COL5A2: variants seen among roughly 807,000 people sequenced by gnomAD.
COL5A2 encodes the protein collagen alpha-2(V) chain.
In COL5A2, 23 loss-of-function variants were observed where a neutral mutation model predicts 208.2. That is an observed-to-expected ratio of 0.11 (90% CI 0.08 to 0.16). COL5A2 has a LOEUF of 0.16. Among genes scored for constraint, COL5A2 ranks in the 10% least tolerant of loss-of-function variants. The pLI is 1.00. For missense variants in COL5A2, 1,590 were observed against 1,956.4 expected (o/e 0.81, Z 3.53); for synonymous variants, 625 against 628.5 (o/e 0.99, Z 0.08).
intron 10 of COL5A2, 68 bp downstream of exon 10, chr2:189,085,651 C>A: frequency 7.5e-7 from 1 of 1,338,622 alleles, no homozygotes; most frequent in Non-Finnish European, 1.1e-6. Flanking sequence ...ATAAATAACT[C>A]AATATTTGAC....
intron 1 of COL5A2, among the ~76,000 whole-genome samples, chr2:189,195,000 T>C (rs1442988438): frequency 6.6e-6 from 1 of 152,096 alleles, no homozygotes; most frequent in Admixed American, 6.6e-5. Flanking sequence ...AAGTAAAGGG[T>C]ATTCAAACAG....
the COL5A2 span, among the ~76,000 whole-genome samples, chr2:189,440,481 CA>C: frequency 6.6e-6 from 1 of 152,142 alleles, no homozygotes; most frequent in Admixed American, 6.5e-5. Context: ...TGTATTTAAA[CA>C]CATAAAAGGT....
intron 1 of COL5A2, among the ~76,000 whole-genome samples, chr2:189,117,954 A>G (rs2105729337): frequency 6.6e-6 from 1 of 152,208 alleles, no homozygotes; most frequent in Admixed American, 6.5e-5. Context: ...ATTGAATATT[A>G]GTTGTTTGCT....
intron 1 of COL5A2, among the ~76,000 whole-genome samples, chr2:189,217,543 T>C (rs1689294913): frequency 6.6e-6 from 1 of 152,090 alleles, no homozygotes. Context: ...ATTACACACA[T>C]ACATTATGGC....
chr2:189,345,667 A>AAT, the COL5A2 span, among the ~76,000 whole-genome samples: 1 of 152,192 alleles, frequency 6.6e-6, no homozygotes, highest in South Asian at 2.1e-4. Flanking sequence ...AAAATCATAA[A>AAT]AATATTTATT....
At chr2:189,189,124 C>A (rs951029401) in intron 1 of COL5A2, among the ~76,000 whole-genome samples, 2 of 152,064 alleles carry the variant, frequency 1.3e-5, no homozygotes, top group South Asian at 4.1e-4. Context: ...ATTTTTGTGT[C>A]CTGTATTTGA....
intron 1 of COL5A2, among the ~76,000 whole-genome samples, chr2:189,150,893 T>C (rs1688129058): frequency 6.6e-6 from 1 of 152,134 alleles, no homozygotes; most frequent in East Asian, 1.9e-4. Flanking sequence ...AGAGAATTCA[T>C]TACCTCAAAG....
chr2:189,263,924 T>C, the COL5A2 span, among the ~76,000 whole-genome samples: 37 of 152,268 alleles, frequency 2.4e-4, no homozygotes, highest in Non-Finnish European at 5.0e-4. Context: ...CACATAACTA[T>C]ACTTTCAAGT....
the COL5A2 span, among the ~76,000 whole-genome samples, chr2:189,317,279 G>A: frequency 7.2e-5 from 11 of 152,090 alleles, no homozygotes; most frequent in South Asian, 2.3e-3. Flanking sequence ...AGATTTTCAA[G>A]TAATTTGACT....
intron 1 of COL5A2, among the ~76,000 whole-genome samples, chr2:189,141,816 C>G (rs1321995418): frequency 6.6e-6 from 1 of 152,108 alleles, no homozygotes; most frequent in East Asian, 1.9e-4. Flanking sequence ...GAAGCCATCT[C>G]TTTTTCACTT....
chr2:189,227,849 G>A (rs1024046301), upstream of COL5A2, among the ~76,000 whole-genome samples: 1 of 151,898 alleles, frequency 6.6e-6, no homozygotes, highest in Non-Finnish European at 1.5e-5. Flanking sequence ...GAACACTATA[G>A]ACCTAAGAGA....
chr2:189,368,470 T>C, the COL5A2 span, among the ~76,000 whole-genome samples: 1 of 152,160 alleles, frequency 6.6e-6, no homozygotes, highest in Non-Finnish European at 1.5e-5. Flanking sequence ...CTAGAATTCA[T>C]CACAAATGAA....
chr2:189,110,952 T>C (rs1687248074), intron 1 of COL5A2, among the ~76,000 whole-genome samples: 1 of 152,166 alleles, frequency 6.6e-6, no homozygotes, highest in Non-Finnish European at 1.5e-5. Context: ...AAAAGGTGTA[T>C]GTTTTTATTA....
chr2:189,037,096 A>G (rs1325990528), intron 51 of COL5A2, among the ~76,000 whole-genome samples: 2 of 152,162 alleles, frequency 1.3e-5, no homozygotes, highest in African/African-American at 4.8e-5. Context: ...AAAAGAGAAA[A>G]TCTATAGTAA....
At chr2:189,136,439 G>A (rs1687827571) in intron 1 of COL5A2, among the ~76,000 whole-genome samples, 1 of 150,048 alleles carries the variant, frequency 6.7e-6, no homozygotes, top group South Asian at 2.1e-4. Flanking sequence ...TTACACAGGT[G>A]TGGTTACACA....
intron 1 of COL5A2, among the ~76,000 whole-genome samples, chr2:189,176,013 T>C (rs563052364): frequency 1.3e-5 from 2 of 152,374 alleles, no homozygotes; most frequent in South Asian, 2.1e-4. Flanking sequence ...TACATATTTA[T>C]ACATATTCTG....
At chr2:189,252,046 T>A in the COL5A2 span, among the ~76,000 whole-genome samples, 1 of 152,016 alleles carries the variant, frequency 6.6e-6, no homozygotes, top group East Asian at 1.9e-4. Context: ...AAAATGCAAA[T>A]CAAAACCACA....
At chr2:189,071,960 T>C (rs1686283755) in intron 18 of COL5A2, 80 bp downstream of exon 18, 2 of 958,806 alleles carry the variant, frequency 2.1e-6, no homozygotes, top group Non-Finnish European at 3.3e-6. Flanking sequence ...CACTTTTCAA[T>C]TAATTAAATG....
intron 17 of COL5A2, 47 bp from the exon 18 acceptor site, chr2:189,072,140 A>G (rs1395134544): frequency 1.5e-6 from 2 of 1,317,534 alleles, no homozygotes; most frequent in Admixed American, 1.7e-5. Context: ...TTCAATTAGT[A>G]TCTAATTAGG....
Sources: gnomAD v4.1 joint callset for allele counts (sites outside exome capture counted in the v4.1 genomes callset) on GRCh38, gnomAD v4.1.1 for gene constraint, MANE v1.5 for transcripts, NCBI Gene and HGNC (gene_info 2026-07-23, HGNC 2026-07-21) for gene names.